Variants in AGBL1 observed in about 807,000 individuals in gnomAD.
The protein encoded by AGBL1 is AGBL carboxypeptidase 1.
In AGBL1, 130 loss-of-function variants were observed where a neutral mutation model predicts 118.9. The observed-to-expected ratio is 1.09, with a 90% CI of 0.95 to 1.26. The LOEUF (loss-of-function observed/expected upper bound fraction) is 1.26, where lower values mean the gene tolerates loss of function less well. Ranked by LOEUF, AGBL1 falls within the 50% of genes most tolerant of loss-of-function variation. AGBL1 has a pLI of 0.00. For missense variants in AGBL1, 1,584 were observed against 1,298.1 expected, an observed-to-expected ratio of 1.22 and a Z score of -3.38; for synonymous variants, 555 against 478.9, an observed-to-expected ratio of 1.16 and a Z score of -2.08.
At chr15:86,724,339 G>A (rs1239904419) in intron 22 of AGBL1, among the ~76,000 whole-genome samples, 1 of 151,920 alleles carries the variant, frequency 6.6e-6, no homozygotes, top group Non-Finnish European at 1.5e-5. Flanking sequence ...GGAATAGAGG[G>A]GCCAGAATGT....
chr15:86,267,850 A>G lies in AGBL1; in HGVS notation c.1838+774A>G, dbSNP rs147878970. Among the ~76,000 whole-genome samples the G allele has an allele frequency of 2.6e-5, 4 of 152,362 alleles. No homozygotes were observed. In the East Asian group the frequency reaches 7.7e-4, roughly 29 times the overall value. ...AGGTGAACTTCTGAAAAAACAGTCC[A>G]GAACAGATAATGGTGTGGTGGCCAT... On this transcript the variant is annotated intron_variant, in intron 13 of 22. Coordinates refer to ENST00000614907, the MANE Select transcript of AGBL1 (RefSeq NM_001386094.1).
At chr15:86,610,057 C>T (rs2084635647) in intron 21 of AGBL1, among the ~76,000 whole-genome samples, 1 of 152,172 alleles carries the variant, frequency 6.6e-6, no homozygotes, top group Admixed American at 6.5e-5. Flanking sequence ...ACCAATGGAA[C>T]ATCAAACTTT....
intron 23 of AGBL1, among the ~76,000 whole-genome samples, chr15:86,979,938 G>A (rs1394801814): frequency 3.3e-5 from 5 of 152,124 alleles, no homozygotes; most frequent in Admixed American, 3.3e-4. Flanking sequence ...TTTTTACTGG[G>A]ATCCACTAAG....
intron 24 of AGBL1, among the ~76,000 whole-genome samples, chr15:87,026,241 T>A (rs1032325388): frequency 3.9e-5 from 6 of 151,932 alleles, no homozygotes; most frequent in Non-Finnish European, 7.4e-5. Flanking sequence ...GAAAAAATTC[T>A]CACAATCTAT....
chr15:86,087,784 A>G (rs550582770), intron 1 of AGBL1, among the ~76,000 whole-genome samples: 1 of 152,360 alleles, frequency 6.6e-6, no homozygotes, highest in African/African-American at 2.4e-5. Context: ...TCATACCAGC[A>G]GAAGTGCCCT....
At chr15:86,347,631 G>T (rs1439736044) in intron 17 of AGBL1, among the ~76,000 whole-genome samples, 1 of 152,132 alleles carries the variant, frequency 6.6e-6, no homozygotes, top group African/African-American at 2.4e-5. Context: ...TGAAGATGTT[G>T]CATGTATATT....
chr15:86,750,030 G>C (rs1312930049), intron 22 of AGBL1, among the ~76,000 whole-genome samples: 1 of 152,102 alleles, frequency 6.6e-6, no homozygotes, highest in Non-Finnish European at 1.5e-5. Context: ...CTCATAAAAT[G>C]AGTTAGGGAG....
rs560971496 is a variant in AGBL1 at position 86,307,619 on chromosome 15, C to T, written c.2374+12211C>T. ...AGAAATCAGAATTTAGGTCTTCTCT[C>T]AGCAGCATAGGGTGGCGTGTGCCTG... On this transcript the variant is annotated intron_variant, in intron 17 of 22. Coordinates refer to ENST00000614907, the MANE Select transcript of AGBL1 (RefSeq NM_001386094.1). Among the ~76,000 whole-genome samples, 18 of 152,152 alleles carry T rather than the reference C, an allele frequency of 1.2e-4. No individual in the cohort carries two copies. The East Asian group carries it at 3.5e-3, about 29-fold the overall frequency.
chr15:86,695,235 G>A (rs1251255503), intron 22 of AGBL1, among the ~76,000 whole-genome samples: 1 of 151,724 alleles, frequency 6.6e-6, no homozygotes, highest in Non-Finnish European at 1.5e-5. Context: ...GAATTTTTTT[G>A]TTGGTAATTT....
chr15:86,082,315 G>A (rs1025389259), intron 1 of AGBL1, among the ~76,000 whole-genome samples: 1 of 152,188 alleles, frequency 6.6e-6, no homozygotes, highest in Non-Finnish European at 1.5e-5. Context: ...CTCAGTTGGG[G>A]ATCCCAAAGA....
intron 24 of AGBL1, among the ~76,000 whole-genome samples, chr15:86,992,703 G>A (rs1596716699): frequency 6.8e-6 from 1 of 146,254 alleles, no homozygotes; most frequent in South Asian, 2.2e-4. Flanking sequence ...AGGATTGCAA[G>A]GAAGTCTGGA....
intron 23 of AGBL1, among the ~76,000 whole-genome samples, chr15:86,947,160 A>G (rs775087511): frequency 6.6e-6 from 1 of 152,198 alleles, no homozygotes; most frequent in African/African-American, 2.4e-5. Context: ...GCTGATCTTA[A>G]TGAATAATGA....
Position 86,644,731 on chromosome 15 carries a change from C to T in AGBL1, c.2995-29542C>T, listed in dbSNP as rs372747931. Among the ~76,000 whole-genome samples the T allele has an allele frequency of 2.3e-3, 347 of 151,034 alleles. 3 individuals are homozygous for T. The highest frequency in any genetic ancestry group is 8.1e-3 in the African/African-American group (334 of 41,144). On this transcript the variant is annotated intron_variant, in intron 21 of 22. Transcript: ENST00000614907. ...CTACATTAAAGGAGACGTGGCTGGG[C>T]GTGGTGGCTCACGCCTGTAATCCCA...
rs1265872838 is a variant in AGBL1, at chr15:86,154,406, A to G, written c.263-24A>G. The G allele has an allele frequency of 5.0e-6, 8 of 1,607,540 alleles. No homozygotes were observed. In the South Asian group the frequency reaches 6.7e-5, roughly 13 times the overall value. On this transcript the variant is annotated intron_variant, in intron 3 of 22. Coordinates refer to ENST00000614907, the MANE Select transcript of AGBL1 (RefSeq NM_001386094.1). ...CCAGAATCAATGTGAAGTGCAACTAAGATAGATTGATTTGTGTTCTTAGAT... is the reference window on the plus strand; with the variant it reads ...CCAGAATCAATGTGAAGTGCAACTAGGATAGATTGATTTGTGTTCTTAGAT...
intron 22 of AGBL1, among the ~76,000 whole-genome samples, chr15:86,755,900 G>A (rs1250232357): frequency 6.6e-6 from 1 of 152,130 alleles, no homozygotes. Context: ...GTCAGATTGT[G>A]CACAGCTGGA....
chr15:86,586,045 C>A (rs952496692), intron 21 of AGBL1, among the ~76,000 whole-genome samples: 3 of 152,206 alleles, frequency 2.0e-5, no homozygotes, highest in African/African-American at 7.2e-5. Context: ...CGGCATGCCT[C>A]TGCACCGAAT....
intron 17 of AGBL1, among the ~76,000 whole-genome samples, chr15:86,328,751 G>C (rs1308737854): frequency 3.3e-5 from 5 of 152,180 alleles, no homozygotes; most frequent in African/African-American, 1.2e-4. Context: ...GAGGCTGAGA[G>C]AGAGCATTTT....
chr15:86,208,277 TTC>T (rs2078028724), intron 5 of AGBL1, among the ~76,000 whole-genome samples: 1 of 152,214 alleles, frequency 6.6e-6, no homozygotes, highest in East Asian at 1.9e-4. Context: ...TGGTCTAAAA[TTC>T]TCTTTTTTTG....
At chr15:86,257,520 A>G (rs1365533787) in intron 8 of AGBL1, among the ~76,000 whole-genome samples, 3 of 152,252 alleles carry the variant, frequency 2.0e-5, no homozygotes, top group African/African-American at 4.8e-5. Context: ...TTTTGCCACA[A>G]TGGTACAAGA....
Sources: allele counts gnomAD v4.1 joint callset (sites outside exome capture counted in the v4.1 genomes callset), GRCh38; gene constraint gnomAD v4.1.1; transcripts MANE v1.5; gene names NCBI Gene and HGNC (gene_info 2026-07-23, HGNC 2026-07-21).